Variants in PTPRG observed in about 807,000 individuals in gnomAD.
The protein encoded by PTPRG is receptor-type tyrosine-protein phosphatase gamma.
Under a neutral mutation model 165.3 loss-of-function variants are expected in PTPRG, and 102 were observed. The ratio of observed to expected loss-of-function variants is 0.62; its 90% CI spans 0.53 to 0.73. The LOEUF is 0.73. Ranked by LOEUF, PTPRG falls within the 30% of genes least tolerant of loss-of-function variation. The pLI, the probability that PTPRG is intolerant of heterozygous loss-of-function variation, is 0.00. For synonymous variants in PTPRG, 675 were observed against 669.5 expected (o/e 1.01, Z -0.13); for missense variants, 1,866 against 1,861.4 (o/e 1.00, Z -0.05).
intron 2 of PTPRG, among the ~76,000 whole-genome samples, chr3:61,910,343 C>G (rs2038769363): frequency 6.6e-6 from 1 of 152,176 alleles, no homozygotes; most frequent in African/African-American, 2.4e-5. Flanking sequence ...TGTTGCTCTG[C>G]ACCATCTCTG....
intron 4 of PTPRG, among the ~76,000 whole-genome samples, chr3:62,038,952 T>G (rs1440852275): frequency 6.6e-6 from 1 of 151,994 alleles, no homozygotes; most frequent in Non-Finnish European, 1.5e-5. Context: ...ATTTATTTTT[T>G]GAGACAGAGT....
chr3:61,696,594 A>G (rs1189279816), intron 1 of PTPRG, among the ~76,000 whole-genome samples: 1 of 152,214 alleles, frequency 6.6e-6, no homozygotes, highest in Non-Finnish European at 1.5e-5. Context: ...TGATGGACTG[A>G]TGGACTACAT....
chr3:61,669,707 T>C (rs1264719936), intron 1 of PTPRG, among the ~76,000 whole-genome samples: 1 of 152,216 alleles, frequency 6.6e-6, no homozygotes, highest in Non-Finnish European at 1.5e-5. Flanking sequence ...GGATACACAT[T>C]ACTTTTTCTA....
intron 2 of PTPRG, among the ~76,000 whole-genome samples, chr3:61,963,271 A>G (rs2040194656): frequency 2.0e-5 from 3 of 152,162 alleles, no homozygotes; most frequent in East Asian, 1.9e-4. Flanking sequence ...AACTTTCATC[A>G]TATTTTCAAA....
At chr3:61,987,088 C>T (rs150438235) in intron 2 of PTPRG, among the ~76,000 whole-genome samples, 142 of 152,220 alleles carry the variant, frequency 9.3e-4, no homozygotes, top group Middle Eastern at 3.4e-3. Context: ...AATGGTGCTT[C>T]GATGTGAGAA....
chr3:62,002,818 C>G (rs1224167620), intron 3 of PTPRG, among the ~76,000 whole-genome samples: 3 of 152,278 alleles, frequency 2.0e-5, no homozygotes, highest in Non-Finnish European at 2.9e-5. Flanking sequence ...AACTGTCTTC[C>G]CACTTACTGT....
chr3:62,285,521 T>G (rs1702611974), intron 28 of PTPRG, among the ~76,000 whole-genome samples: 1 of 14,770 alleles, frequency 6.8e-5, no homozygotes, highest in South Asian at 2.6e-3. Context: ...GGCAGGTGGT[T>G]GTTGGGGGGG....
intron 1 of PTPRG, among the ~76,000 whole-genome samples, chr3:61,689,076 G>C (rs1033925291): frequency 6.6e-6 from 1 of 152,200 alleles, no homozygotes; most frequent in African/African-American, 2.4e-5. Flanking sequence ...TTTGAGGACT[G>C]TTTTTACTGT....
intron 2 of PTPRG, among the ~76,000 whole-genome samples, chr3:61,807,909 A>C (rs1038579170): frequency 1.3e-5 from 2 of 152,216 alleles, no homozygotes; most frequent in African/African-American, 4.8e-5. Context: ...CTGCAGAGCT[A>C]GGAGCACTCT....
intron 4 of PTPRG, among the ~76,000 whole-genome samples, chr3:62,009,654 A>G (rs760206819): frequency 6.6e-6 from 1 of 152,146 alleles, no homozygotes; most frequent in East Asian, 1.9e-4. Context: ...GGCTCAGGTA[A>G]GAGAATGTGT....
chr3:62,111,525 C>T (rs1460442220), intron 5 of PTPRG, among the ~76,000 whole-genome samples: 1 of 152,200 alleles, frequency 6.6e-6, no homozygotes, highest in Admixed American at 6.5e-5. Flanking sequence ...TCATAGCTCA[C>T]TGCAGCCTGG....
rs192275308 is a variant in PTPRG, at chr3:61,741,922, A to G, written c.86-6956A>G. ...CTCTAATTTCAATCATGAATTTGCA[A>G]TCTTGTAGGAAAAATATTCCCTATG... On this transcript the variant is annotated intron_variant, in intron 1 of 29. Transcript: ENST00000474889. Among the ~76,000 whole-genome samples, 126 of 152,336 alleles carry G rather than the reference A, an allele frequency of 8.3e-4. 1 individual carries two copies. Among genetic ancestry groups the G allele is most frequent in the African/African-American group, 3.0e-3 (125 of 41,576 alleles).
At chr3:61,751,210 C>A (rs1414356747) in intron 2 of PTPRG, among the ~76,000 whole-genome samples, 1 of 152,058 alleles carries the variant, frequency 6.6e-6, no homozygotes, top group East Asian at 1.9e-4. Context: ...AGCATTTGGC[C>A]AATGTGTAAA....
chr3:62,283,692 G>A (rs1369285705), intron 28 of PTPRG, among the ~76,000 whole-genome samples: 1 of 152,050 alleles, frequency 6.6e-6, no homozygotes, highest in Non-Finnish European at 1.5e-5. Context: ...GTAGCATAAA[G>A]TATTAATAAA....
chr3:61,744,394 C>G (rs1432781014), intron 1 of PTPRG, among the ~76,000 whole-genome samples: 2 of 152,122 alleles, frequency 1.3e-5, no homozygotes, highest in African/African-American at 4.8e-5. Context: ...AATAGCCAGC[C>G]CACTGCACAC....
intron 2 of PTPRG, among the ~76,000 whole-genome samples, chr3:61,936,783 C>A (rs978589070): frequency 6.6e-6 from 1 of 152,196 alleles, no homozygotes; most frequent in African/African-American, 2.4e-5. Context: ...ATAGCTGACA[C>A]ATGAAGAGAA....
intron 2 of PTPRG, among the ~76,000 whole-genome samples, chr3:61,760,240 G>A (rs997062301): frequency 6.6e-6 from 1 of 152,150 alleles, no homozygotes; most frequent in African/African-American, 2.4e-5. Flanking sequence ...CCTAGAATTG[G>A]TTTTAAAATG....
chr3:61,700,857 G>T (rs147207311), intron 1 of PTPRG, among the ~76,000 whole-genome samples: 1 of 152,032 alleles, frequency 6.6e-6, no homozygotes, highest in African/African-American at 2.4e-5. Context: ...ATACTACACA[G>T]GAAATACATG....
intron 15 of PTPRG, among the ~76,000 whole-genome samples, chr3:62,246,287 C>T (rs1020963105): frequency 7.2e-5 from 11 of 152,150 alleles, no homozygotes; most frequent in African/African-American, 1.9e-4. Flanking sequence ...AGTGAAATGA[C>T]GAGTGAGGCT....
Sources: allele counts gnomAD v4.1 joint callset (sites outside exome capture counted in the v4.1 genomes callset), GRCh38; gene constraint gnomAD v4.1.1; transcripts MANE v1.5; gene names NCBI Gene and HGNC (gene_info 2026-07-23, HGNC 2026-07-21).